MACROD2: variants seen among roughly 807,000 people sequenced by gnomAD.
MACROD2 encodes the protein mono-ADP ribosylhydrolase 2.
A neutral mutation model predicts 70.4 loss-of-function variants in MACROD2; 36 were observed. The observed-to-expected ratio is 0.51, with a 90% CI of 0.39 to 0.68. The LOEUF (loss-of-function observed/expected upper bound fraction) is 0.68. Ranked by LOEUF, MACROD2 falls within the 30% of genes least tolerant of loss-of-function variation. The pLI is 0.00. For synonymous variants in MACROD2, 172 were observed against 178.8 expected, an observed-to-expected ratio of 0.96 and a Z score of 0.30; for missense variants, 496 against 538.4, an observed-to-expected ratio of 0.92 and a Z score of 0.78.
intron 5 of MACROD2, chr20:15,022,745 CA>C (rs2075198111): frequency 6.6e-6 from 1 of 152,252 alleles, no homozygotes; most frequent in Admixed American, 6.5e-5. Flanking sequence ...TCCACCATTA[CA>C]GTATCATACA....
chr20:14,331,462 G>A (rs1469993178), intron 3 of MACROD2, among the ~76,000 whole-genome samples: 1 of 152,022 alleles, frequency 6.6e-6, no homozygotes, highest in Non-Finnish European at 1.5e-5. Flanking sequence ...TTAACAGAAA[G>A]CCTTAAATCT....
chr20:15,179,950 T>C (rs2076488860), intron 5 of MACROD2, among the ~76,000 whole-genome samples: 1 of 152,204 alleles, frequency 6.6e-6, no homozygotes, highest in African/African-American at 2.4e-5. Context: ...AAGTCCAAGA[T>C]GAAAGTGTTG....
intron 3 of MACROD2, among the ~76,000 whole-genome samples, chr20:14,164,060 A>G (rs369475221): frequency 6.6e-6 from 1 of 151,866 alleles, no homozygotes; most frequent in Non-Finnish European, 1.5e-5. Context: ...CATCTTGTGT[A>G]ACAGTTGCTT....
intron 8 of MACROD2, among the ~76,000 whole-genome samples, chr20:15,559,493 C>G (rs955085344): frequency 6.6e-6 from 1 of 152,138 alleles, no homozygotes. Context: ...TGCTCCATCT[C>G]CTCACCCATT....
chr20:15,665,656 C>A (rs991121101), intron 8 of MACROD2, among the ~76,000 whole-genome samples: 1 of 152,168 alleles, frequency 6.6e-6, no homozygotes, highest in African/African-American at 2.4e-5. Flanking sequence ...ACATATATTT[C>A]AGTCTCCAGA....
chr20:16,010,517 G>C (rs1241458030), intron 15 of MACROD2, among the ~76,000 whole-genome samples: 1 of 152,058 alleles, frequency 6.6e-6, no homozygotes, highest in East Asian at 1.9e-4. Flanking sequence ...TCAGTTCTAA[G>C]AATAGGAAAA....
intron 6 of MACROD2, among the ~76,000 whole-genome samples, chr20:15,430,609 T>G (rs904991385): frequency 2.0e-5 from 3 of 152,034 alleles, no homozygotes; most frequent in African/African-American, 7.2e-5. Context: ...ATTCATTTTT[T>G]TCAATCAAAT....
At chr20:14,024,793 A>T (rs4814274) in intron 2 of MACROD2, among the ~76,000 whole-genome samples, 113,816 of 152,138 alleles carry the variant, frequency 0.75, 43,707 homozygotes, top group South Asian at 0.84. Context: ...ATTGAGGATT[A>T]TCACATTGAT....
intron 5 of MACROD2, among the ~76,000 whole-genome samples, chr20:15,080,512 T>C (rs933799024): frequency 6.6e-6 from 1 of 152,140 alleles, no homozygotes; most frequent in Non-Finnish European, 1.5e-5. Context: ...CCTACTCTCT[T>C]TTTCTGGTTC....
At chr20:16,026,721 G>GT (rs1362885534) in intron 15 of MACROD2, among the ~76,000 whole-genome samples, 5 of 151,990 alleles carry the variant, frequency 3.3e-5, no homozygotes, top group Admixed American at 2.0e-4. Flanking sequence ...CAGTCAAGGA[G>GT]TTTTTTTTAT....
At chr20:14,871,980 A>T (rs2073493685) in intron 5 of MACROD2, among the ~76,000 whole-genome samples, 2 of 152,158 alleles carry the variant, frequency 1.3e-5, no homozygotes, top group Non-Finnish European at 2.9e-5. Context: ...AACTATGCTA[A>T]ATATATATGC....
intron 4 of MACROD2, among the ~76,000 whole-genome samples, chr20:14,588,092 G>A (rs969355642): frequency 1.3e-5 from 2 of 152,068 alleles, no homozygotes; most frequent in South Asian, 2.1e-4. Flanking sequence ...CTATGTATAT[G>A]TTTAGGAACA....
chr20:15,837,431 A>G (rs1447126418), intron 8 of MACROD2, among the ~76,000 whole-genome samples: 2 of 152,128 alleles, frequency 1.3e-5, no homozygotes, highest in African/African-American at 4.8e-5. Flanking sequence ...ACAGACTCGT[A>G]TCTACCTCCA....
rs183965009 is a variant in MACROD2, at chr20:15,006,512, A to G, written c.419-223428A>G. Among the ~76,000 whole-genome samples, 14 of 152,244 alleles carry G rather than the reference A, an allele frequency of 9.2e-5. No homozygotes were observed. The East Asian group carries it at 2.5e-3, about 27-fold the overall frequency. On this transcript the variant is annotated intron_variant, in intron 5 of 17. Coordinates refer to ENST00000684519, the MANE Select transcript of MACROD2 (RefSeq NM_001351661.2). ...AGTATTCCCACCACAAAAAAAGGTA[A>G]CTATCTGAGGTGATGCATATGTTAA... is the stretch of plus-strand genomic sequence containing the variant.
chr20:14,192,134 C>T (rs1448878941), intron 3 of MACROD2, among the ~76,000 whole-genome samples: 1 of 152,138 alleles, frequency 6.6e-6, no homozygotes, highest in Non-Finnish European at 1.5e-5. Context: ...CTCACTTTCT[C>T]TTCTTCATAT....
At chr20:14,265,309 C>T (rs764085100) in intron 3 of MACROD2, among the ~76,000 whole-genome samples, 23 of 152,176 alleles carry the variant, frequency 1.5e-4, no homozygotes, top group Non-Finnish European at 2.6e-4. Context: ...GTATGATGGA[C>T]TTTCTTATTT....
At chr20:14,048,630 AGCC>A (rs2053513308) in intron 2 of MACROD2, among the ~76,000 whole-genome samples, 1 of 152,154 alleles carries the variant, frequency 6.6e-6, no homozygotes, top group Non-Finnish European at 1.5e-5. Flanking sequence ...AAGGACTGTG[AGCC>A]TATAATAATT....
chr20:14,068,833 G>A lies in MACROD2; in HGVS notation c.164-16788G>A, dbSNP rs6033875. ...AGTGATGGAAAGCCTTACATGGTGGGCTGTTTGGGATCCATTAAAGAACTT... is the reference window on the plus strand; with the variant it reads ...AGTGATGGAAAGCCTTACATGGTGGACTGTTTGGGATCCATTAAAGAACTT... On this transcript the variant is annotated intron_variant, in intron 2 of 17. Transcript: ENST00000684519. Among the ~76,000 whole-genome samples, 968 of 152,284 alleles carry A rather than the reference G, an allele frequency of 6.4e-3. 9 individuals carry two copies. The highest frequency in any genetic ancestry group is 0.022 in the African/African-American group (908 of 41,554).
chr20:15,392,996 G>A (rs1359359579), intron 6 of MACROD2, among the ~76,000 whole-genome samples: 2 of 151,904 alleles, frequency 1.3e-5, no homozygotes, highest in African/African-American at 4.8e-5. Flanking sequence ...AAGGGTGGCG[G>A]CAATGTGGCT....
Sources: allele counts gnomAD v4.1 joint callset (sites outside exome capture counted in the v4.1 genomes callset), GRCh38; gene constraint gnomAD v4.1.1; transcripts MANE v1.5; gene names NCBI Gene and HGNC (gene_info 2026-07-23, HGNC 2026-07-21).